ARHGAP35: variants seen among roughly 807,000 people sequenced by gnomAD.
ARHGAP35 encodes the protein rho GTPase-activating protein 35.
A neutral mutation model predicts 111.1 loss-of-function variants in ARHGAP35; 15 were observed. The observed-to-expected ratio is 0.13, with a 90% CI of 0.09 to 0.21. ARHGAP35 has a LOEUF of 0.21. Among genes scored for constraint, ARHGAP35 ranks in the 10% least tolerant of loss-of-function variants. ARHGAP35 has a pLI of 1.00. For missense variants in ARHGAP35, 1,262 were observed against 1,873.0 expected (o/e 0.67, Z 6.02); for synonymous variants, 643 against 710.3 (o/e 0.91, Z 1.51).
intron 1 of ARHGAP35, among the ~76,000 whole-genome samples, chr19:46,871,962 A>G (rs188724598): frequency 6.6e-6 from 1 of 152,186 alleles, no homozygotes; most frequent in African/African-American, 2.4e-5. Flanking sequence ...CATGGGTGAC[A>G]GAGTGAGACT....
At chr19:46,867,219 G>A (rs2055862773) in intron 1 of ARHGAP35, among the ~76,000 whole-genome samples, 1 of 152,202 alleles carries the variant, frequency 6.6e-6, no homozygotes, top group Admixed American at 6.5e-5. Context: ...AGCCAGACTT[G>A]CCTATCTCTC....
At chr19:46,872,649 G>A (rs2055893782) in intron 1 of ARHGAP35, among the ~76,000 whole-genome samples, 2 of 152,092 alleles carry the variant, frequency 1.3e-5, no homozygotes, top group Non-Finnish European at 2.9e-5. Context: ...GGGAGGCCGA[G>A]GCGGGCGGAT....
chr19:46,956,496 T>C (rs1314875082), intron 3 of ARHGAP35, among the ~76,000 whole-genome samples: 1 of 151,796 alleles, frequency 6.6e-6, no homozygotes, highest in Non-Finnish European at 1.5e-5. Context: ...CTCAGCTCAT[T>C]GCAACCTCCG....
intron 3 of ARHGAP35, among the ~76,000 whole-genome samples, chr19:46,984,146 G>A (rs1186209537): frequency 6.6e-6 from 1 of 152,198 alleles, no homozygotes; most frequent in East Asian, 1.9e-4. Context: ...CTATGCTTTG[G>A]TGACATGGGT....
At chr19:46,929,591 CTTTTTT>C (rs55818906) in intron 2 of ARHGAP35, among the ~76,000 whole-genome samples, 6 of 93,054 alleles carry the variant, frequency 6.4e-5, no homozygotes, top group African/African-American at 1.7e-4. Flanking sequence ...ACCTGTTACT[CTTTTTT>C]TTTTTTTTTT....
intron 3 of ARHGAP35, among the ~76,000 whole-genome samples, chr19:46,954,860 G>GC (rs1367448724): frequency 6.6e-6 from 1 of 152,166 alleles, no homozygotes; most frequent in Non-Finnish European, 1.5e-5. Flanking sequence ...TGTTTTAAAA[G>GC]CCACAACAGA....
At chr19:46,871,699 C>T (rs2055888407) in intron 1 of ARHGAP35, among the ~76,000 whole-genome samples, 1 of 151,072 alleles carries the variant, frequency 6.6e-6, no homozygotes, top group African/African-American at 2.4e-5. Context: ...CTATAGAGGG[C>T]TGGGTGCAGT....
chr19:46,954,745 T>G (rs975827369), intron 3 of ARHGAP35, among the ~76,000 whole-genome samples: 1 of 152,268 alleles, frequency 6.6e-6, no homozygotes, highest in African/African-American at 2.4e-5. Flanking sequence ...ATTTATCTTT[T>G]CATGTAAGCT....
At chr19:46,889,013 G>A (rs745339387) in intron 1 of ARHGAP35, among the ~76,000 whole-genome samples, 7 of 149,840 alleles carry the variant, frequency 4.7e-5, no homozygotes, top group Non-Finnish European at 8.9e-5. Flanking sequence ...ACAAAACAAA[G>A]CAAAACAAAA....
At chr19:46,886,273 T>C (rs948262670) in intron 1 of ARHGAP35, among the ~76,000 whole-genome samples, 2 of 152,234 alleles carry the variant, frequency 1.3e-5, no homozygotes, top group Admixed American at 6.5e-5. Flanking sequence ...CAGTCACGTG[T>C]TGCTACTTGA....
rs543130001 is a variant in ARHGAP35 at position 46,922,076 on chromosome 19, C to G, written c.3401C>G (p.Ser1134Cys). Residue 1134 changes from serine (S) to cysteine (C), a missense_variant, in exon 2 of 7, where the codon TCT becomes TGT. Transcript: ENST00000672722. The surrounding 1 kb of genome is among the most constrained non-coding windows in gnomAD (Gnocchi z 4.0). ...CAGTCCAACGGCAGCGGGAATGGTT[C>G]TGACAGTGAAATGGACACCAGCTCT... Reference protein sequence around the residue: ...KAQSNGSGNGSDSEMDTSSLE... With the variant: ...KAQSNGSGNGCDSEMDTSSLE... 6.2e-7 allele frequency: 1 copy of G among 1,614,052 alleles called. No individual in the cohort carries two copies. The highest frequency in any genetic ancestry group is 1.3e-5 in the African/African-American group (1 of 75,060).
At chr19:46,915,221 G>A (rs1568465865) in intron 1 of ARHGAP35, among the ~76,000 whole-genome samples, 2 of 152,172 alleles carry the variant, frequency 1.3e-5, no homozygotes, top group Non-Finnish European at 2.9e-5. Flanking sequence ...GTTTATGTAA[G>A]CAATCGCCTA....
chr19:46,975,478 C>G (rs889763198), intron 3 of ARHGAP35, among the ~76,000 whole-genome samples: 1 of 152,106 alleles, frequency 6.6e-6, no homozygotes, highest in Non-Finnish European at 1.5e-5. Context: ...GAATCCTGGG[C>G]CTGTGTGGGG....
chr19:46,891,993 TAGCCAGG>T (rs1163767168), intron 1 of ARHGAP35, among the ~76,000 whole-genome samples: 1 of 146,272 alleles, frequency 6.8e-6, no homozygotes, highest in Non-Finnish European at 1.5e-5. Context: ...ATACAAAAAT[TAGCCAGG>T]TGTTGGCCGG....
intron 1 of ARHGAP35, among the ~76,000 whole-genome samples, chr19:46,888,365 C>CACA (rs1568461185): frequency 4.7e-5 from 6 of 127,446 alleles, no homozygotes; most frequent in African/African-American, 1.8e-4. Context: ...CACACACACA[C>CACA]CCCACAACAA....
intron 1 of ARHGAP35, among the ~76,000 whole-genome samples, chr19:46,877,435 C>T (rs1234599078): frequency 4.6e-5 from 7 of 151,126 alleles, no homozygotes; most frequent in African/African-American, 1.7e-4. Flanking sequence ...TGGTGGTGGG[C>T]ACCTGTAATC....
chr19:46,919,468 C>G lies in ARHGAP35; in HGVS notation c.793C>G (p.Gln265Glu). The change falls in exon 2 of 7, where the codon CAG (glutamine) becomes GAG (glutamate). Residue 265 changes from glutamine to glutamate, a missense_variant. Physicochemically the swap from Gln to Glu is conservative, Grantham distance 29. Around this residue, in one of 8 missense-constraint regions of ARHGAP35, gnomAD observed 328 missense variants for 440.8 expected, o/e 0.74. Transcript: ENST00000672722. The surrounding 1 kb of genome is among the most constrained non-coding windows in gnomAD (Gnocchi z 6.2). ...CATTCCTTATTTTGAAGCTCTCAAG[C>G]AGCAGAGTCAGCAGATAGCTACAGC... Reference protein sequence around the residue: ...KIIPYFEALKQQSQQIATAKD... With the variant: ...KIIPYFEALKEQSQQIATAKD... 3 of 1,613,950 alleles carry G rather than the reference C, an allele frequency of 1.9e-6. No individual in the cohort carries two copies. Among genetic ancestry groups the G allele is most frequent in the Non-Finnish European group, 2.5e-6 (3 of 1,179,892 alleles).
intron 1 of ARHGAP35, among the ~76,000 whole-genome samples, chr19:46,881,944 G>A (rs1202451525): frequency 6.6e-6 from 1 of 151,956 alleles, no homozygotes; most frequent in East Asian, 1.9e-4. Context: ...TTTATGTTAT[G>A]GAGGTGGCTA....
chr19:46,953,780 A>G (rs1449648476), intron 3 of ARHGAP35, among the ~76,000 whole-genome samples: 2 of 152,228 alleles, frequency 1.3e-5, no homozygotes, highest in Admixed American at 6.5e-5. Flanking sequence ...AATTCAGCAC[A>G]GTAAGCAGAC....
Sources: allele counts gnomAD v4.1 joint callset (sites outside exome capture counted in the v4.1 genomes callset), GRCh38; gene constraint gnomAD v4.1.1; regional missense constraint gnomAD v4.1.1; non-coding constraint Gnocchi (gnomAD v3.1); transcripts MANE v1.5; gene names NCBI Gene and HGNC (gene_info 2026-07-23, HGNC 2026-07-21).